Variants in STARD13 observed in about 807,000 individuals in gnomAD.
STARD13 encodes StAR related lipid transfer domain containing 13.
STARD13 carries 62 observed loss-of-function variants against 106.4 expected under a neutral mutation model. The observed-to-expected ratio is 0.58, with a 90% CI of 0.48 to 0.72. STARD13 has a LOEUF of 0.72. Ranked by LOEUF, STARD13 falls within the 30% of genes least tolerant of loss-of-function variation. STARD13 has a pLI of 0.00. For missense variants in STARD13, 1,387 were observed against 1,424.0 expected (o/e 0.97, Z 0.42); for synonymous variants, 565 against 553.0 (o/e 1.02, Z -0.31).
chr13:33,106,838 C>A lies in STARD13; in HGVS notation c.3144G>T (p.Val1048=). 6.2e-7 allele frequency: 1 copy of A among 1,614,152 alleles called. No individual in the cohort carries two copies. Among genetic ancestry groups the A allele is most frequent in the Non-Finnish European group, 8.5e-7 (1 of 1,179,996 alleles). ...EAQLLGGVRA[V]VMDSQYLIEP... ...CTATCAAGTACTGCGAGTCCATCAC[C>A]ACTGCTCGCACACCACCCAGGAGCT... Residue 1048 remains valine, a synonymous_variant, in exon 13 of 14, where the codon GTG becomes GTT. Transcript: ENST00000336934.
rs577515584 is a variant in STARD13, at chr13:33,225,403, T to C, written c.170-57781A>G. On this transcript the variant is annotated intron_variant, in intron 1 of 13. Transcript: ENST00000336934. The stretch of plus-strand genomic sequence containing the variant: ...GCCGTCTGTACATCTGCAGTCCCCC[T>C]GTTCCTTCTAACTTTTATTTTTTAA... 3.9e-5 allele frequency among the ~76,000 whole-genome samples: 6 copies of C among 152,372 alleles called. No homozygotes were observed. In the South Asian group the frequency reaches 1.0e-3, roughly 26 times the overall value.
intron 1 of STARD13, among the ~76,000 whole-genome samples, chr13:33,247,943 C>A (rs1251177291): frequency 6.6e-6 from 1 of 152,172 alleles, no homozygotes; most frequent in Non-Finnish European, 1.5e-5. Flanking sequence ...ACACAAAGGG[C>A]TTTTCATGTG....
At chr13:33,245,336 T>C (rs904896405) in intron 1 of STARD13, among the ~76,000 whole-genome samples, 1 of 152,178 alleles carries the variant, frequency 6.6e-6, no homozygotes, top group South Asian at 2.1e-4. Flanking sequence ...CAGAACACAA[T>C]CTTCATCCGC....
Position 33,129,233 on chromosome 13 carries a change from G to C in STARD13, c.1444C>G (p.Leu482Val). 1.2e-6 allele frequency: 2 copies of C among 1,614,164 alleles called. No homozygotes were observed. Among genetic ancestry groups the C allele is most frequent in the Non-Finnish European group, 1.7e-6 (2 of 1,180,036 alleles). ...AGAATGTCATCCAAGTGAGGGAAAA[G>C]GTCATCTTTCTCCAAGTCCAAAAGA... ...GDLLDLEKDD[L>V]FPHLDDILQH... Residue 482 changes from leucine (L) to valine (V), a missense_variant, in exon 5 of 14, where the codon CTT becomes GTT. Coordinates refer to ENST00000336934, the MANE Select transcript of STARD13 (RefSeq NM_178006.4).
At chr13:33,348,994 G>A in exon 2 of STARD13, 2 of 622,914 alleles carry the variant, frequency 3.2e-6, no homozygotes, top group South Asian at 3.6e-5. Context: ...TCCCCAGAAT[G>A]CTTTCAGGCT....
intron 1 of STARD13, among the ~76,000 whole-genome samples, chr13:33,219,713 G>T (rs1474878055): frequency 1.3e-5 from 2 of 149,578 alleles, no homozygotes; most frequent in African/African-American, 4.9e-5. Context: ...GCCAAGGCAG[G>T]AGGATCTTGA....
the STARD13 span, among the ~76,000 whole-genome samples, chr13:33,373,634 G>T: frequency 6.6e-6 from 1 of 151,974 alleles, no homozygotes; most frequent in African/African-American, 2.4e-5. Context: ...AATGGGCAAA[G>T]AATTTGAATA....
At chr13:33,631,689 T>C in the STARD13 span, among the ~76,000 whole-genome samples, 4 of 152,256 alleles carry the variant, frequency 2.6e-5, no homozygotes, top group Non-Finnish European at 5.9e-5. Flanking sequence ...AATTGAAATG[T>C]AGATTTCTGG....
chr13:33,385,257 A>ATATG, the STARD13 span, among the ~76,000 whole-genome samples: 2 of 135,798 alleles, frequency 1.5e-5, no homozygotes, highest in Non-Finnish European at 3.2e-5. Context: ...ATATATATAT[A>ATATG]TGTAGAAAAC....
the STARD13 span, among the ~76,000 whole-genome samples, chr13:33,601,988 G>A: frequency 6.6e-6 from 1 of 152,154 alleles, no homozygotes; most frequent in Admixed American, 6.5e-5. Flanking sequence ...CTGTGGCTGT[G>A]AGCATTTGGG....
At position 33,339,622 on chromosome 13, in the gene STARD13, G is replaced by A. The variant is rs766414587; in HGVS notation, c.124+10668C>T. Among the ~76,000 whole-genome samples, 7 of 152,250 alleles carry A rather than the reference G, an allele frequency of 4.6e-5. No individual in the cohort carries two copies. The East Asian group carries it at 9.7e-4, about 21-fold the overall frequency. On this transcript the variant is annotated intron_variant, in intron 1 of 5. Transcript: ENST00000567873. ...TCATTGCTTTGTTTTAGATCTAAGA[G>A]CTAGAAATCAAACACTTAGCACAAA...
intron 1 of STARD13, among the ~76,000 whole-genome samples, chr13:33,197,297 A>T (rs575179875): frequency 7.2e-5 from 11 of 152,194 alleles, no homozygotes; most frequent in Non-Finnish European, 1.3e-4. Context: ...CATGTGAGGC[A>T]CCCTGTAAGC....
In STARD13 at chr13:33,105,327, G is replaced by A. The variant is rs1354319848; in HGVS notation, c.*266C>T. ...AAATAGCAAATTAGGCAATGCACAA[G>A]GAATAGTCCATTTAATTTTAAGTAA... On this transcript the variant is annotated 3_prime_UTR_variant, in exon 14 of 14. Transcript: ENST00000336934. 5.0e-6 allele frequency: 2 copies of A among 401,838 alleles called. No homozygotes were observed. The highest frequency in any genetic ancestry group is 9.0e-6 in the Non-Finnish European group (2 of 221,968). The allele number at this position is 401,838 out of a possible 1,614,324, so 24.9% of individuals were successfully genotyped here. A position where few individuals can be genotyped will look rare whatever the true frequency, so the allele number is the denominator to read the frequency against.
At chr13:33,499,604 T>TTCTTCTTCTTCC in the STARD13 span, among the ~76,000 whole-genome samples, 1 of 39,898 alleles carries the variant, frequency 2.5e-5, no homozygotes, top group Non-Finnish European at 4.9e-5. Context: ...CTTCTTCTTC[T>TTCTTCTTCTTCC]TTCTTCTTCT....
chr13:33,401,813 C>G, the STARD13 span, among the ~76,000 whole-genome samples: 1 of 152,222 alleles, frequency 6.6e-6, no homozygotes, highest in Admixed American at 6.5e-5. Context: ...CAACAAGGCC[C>G]ACAGGTGACT....
At chr13:33,112,239 T>G (rs991736599) in intron 9 of STARD13, among the ~76,000 whole-genome samples, 1 of 152,224 alleles carries the variant, frequency 6.6e-6, no homozygotes, top group African/African-American at 2.4e-5. Context: ...TATGTTTTCC[T>G]CCTCACTCAC....
the STARD13 span, among the ~76,000 whole-genome samples, chr13:33,373,438 T>C: frequency 1.4e-4 from 22 of 152,116 alleles, no homozygotes; most frequent in South Asian, 6.2e-4. Flanking sequence ...ATTGATTAGA[T>C]ACCATTTGAA....
At chr13:33,122,607 G>T (rs1366637772) in intron 7 of STARD13, among the ~76,000 whole-genome samples, 11 of 152,198 alleles carry the variant, frequency 7.2e-5, no homozygotes, top group Admixed American at 7.2e-4. Context: ...GGGGAGAATG[G>T]CCATCAGCAA....
chr13:33,151,880 C>T lies in STARD13; in HGVS notation c.324-9507G>A, dbSNP rs1202321695. Among the ~76,000 whole-genome samples, 6 of 152,196 alleles carry T rather than the reference C, an allele frequency of 3.9e-5. No individual in the cohort carries two copies. In the South Asian group the frequency reaches 6.2e-4, roughly 16 times the overall value. Reference sequence around the variant, plus strand: ...GGATGTCTGCGTGAAGACAGAGACTCGGCCATTGGTTGATGTGGAAGCTGC... The same window carrying T: ...GGATGTCTGCGTGAAGACAGAGACTTGGCCATTGGTTGATGTGGAAGCTGC... On this transcript the variant is annotated intron_variant, in intron 3 of 13. Coordinates refer to ENST00000336934, the MANE Select transcript of STARD13 (RefSeq NM_178006.4).
Sources: gnomAD v4.1 joint callset for allele counts (sites outside exome capture counted in the v4.1 genomes callset) on GRCh38, gnomAD v4.1.1 for gene constraint, MANE v1.5 for transcripts, NCBI Gene and HGNC (gene_info 2026-07-23, HGNC 2026-07-21) for gene names.